The following DDHD1 variants were observed in gnomAD, a reference collection of about 807,000 sequenced individuals.
The protein encoded by DDHD1 is phospholipase DDHD1.
A neutral mutation model predicts 96.4 loss-of-function variants in DDHD1; 49 were observed. The observed-to-expected ratio is 0.51, with a 90% confidence interval of 0.40 to 0.64. DDHD1 has a LOEUF of 0.64. Ranked by LOEUF, DDHD1 falls within the 30% of genes least tolerant of loss-of-function variation. DDHD1 has a pLI of 0.00. For synonymous variants in DDHD1, 442 were observed against 446.5 expected, an observed-to-expected ratio of 0.99 and a Z score of 0.13; for missense variants, 1,106 against 1,161.2, an observed-to-expected ratio of 0.95 and a Z score of 0.69.
chr14:53,054,404 A>G, intron 11 of DDHD1, 34 bp downstream of exon 11: 1 of 1,585,912 alleles, frequency 6.3e-7, no homozygotes, highest in East Asian at 2.2e-5. Context: ...AAAAAGATAC[A>G]GTATCAACTT....
At chr14:53,090,615 A>G (rs527279927) in intron 4 of DDHD1, among the ~76,000 whole-genome samples, 1 of 152,306 alleles carries the variant, frequency 6.6e-6, no homozygotes, top group Admixed American at 6.5e-5. Context: ...TCAGCAAACT[A>G]TCGCAAGGAC....
intron 5 of DDHD1, 75 bp from the exon 6 acceptor site, chr14:53,072,778 T>C: frequency 1.1e-6 from 1 of 904,424 alleles, no homozygotes; most frequent in Non-Finnish European, 1.7e-6. Context: ...TGAAGAAAAT[T>C]ACGTTGCCTG....
chr14:53,128,452 A>G (rs986955671), intron 1 of DDHD1, among the ~76,000 whole-genome samples: 2 of 152,194 alleles, frequency 1.3e-5, no homozygotes, highest in African/African-American at 4.8e-5. Flanking sequence ...GTGCCCTCAC[A>G]TGGTGGAAGT....
intron 1 of DDHD1, among the ~76,000 whole-genome samples, chr14:53,110,401 C>T (rs774261536): frequency 1.3e-5 from 2 of 152,238 alleles, no homozygotes; most frequent in Non-Finnish European, 2.9e-5. Flanking sequence ...ACTCTCTCCT[C>T]CTTAAAACCC....
At chr14:53,103,130 G>C (rs1887434912) in intron 2 of DDHD1, 18 of 1,424,160 alleles carry the variant, frequency 1.3e-5, no homozygotes, top group Non-Finnish European at 1.6e-5. Context: ...GACACACAAT[G>C]AAAATGTGGC....
chr14:53,101,024 G>A (rs916730732), intron 2 of DDHD1, among the ~76,000 whole-genome samples: 3 of 152,094 alleles, frequency 2.0e-5, no homozygotes. Context: ...TTTCACAAAA[G>A]TGCCTACCAC....
intron 1 of DDHD1, among the ~76,000 whole-genome samples, chr14:53,126,784 G>C (rs1388053209): frequency 5.3e-5 from 8 of 152,002 alleles, no homozygotes; most frequent in African/African-American, 1.9e-4. Context: ...TTAACTATTT[G>C]TTGAATTAAT....
intron 1 of DDHD1, among the ~76,000 whole-genome samples, chr14:53,111,313 A>G (rs950227265): frequency 2.6e-5 from 4 of 152,264 alleles, no homozygotes; most frequent in African/African-American, 9.6e-5. Context: ...ATAGAAAAAC[A>G]TATTCTAAGT....
At chr14:53,069,950 C>T (rs1884371560) in intron 6 of DDHD1, among the ~76,000 whole-genome samples, 1 of 152,190 alleles carries the variant, frequency 6.6e-6, no homozygotes, top group Non-Finnish European at 1.5e-5. Context: ...CCCCATTTAT[C>T]ATAGCCATTG....
intron 1 of DDHD1, among the ~76,000 whole-genome samples, chr14:53,139,089 A>ACC (rs1566602225): frequency 1.5e-4 from 14 of 91,684 alleles, no homozygotes; most frequent in African/African-American, 4.0e-4. Context: ...AAAAAAAAAA[A>ACC]ACCACACCCA....
Position 53,045,483 on chromosome 14 carries a change from C to T in DDHD1, c.*1285G>A, listed in dbSNP as rs933471440. 6.6e-6 allele frequency: 1 copy of T among 152,214 alleles called. No individual in the cohort carries two copies. Among genetic ancestry groups the T allele is most frequent in the African/African-American group, 2.4e-5 (1 of 41,424 alleles). 9.4% of individuals were successfully genotyped at this position (152,214 alleles called of 1,614,324 possible). On this transcript the variant is annotated 3_prime_UTR_variant, in exon 13 of 13. Coordinates refer to ENST00000673822, the MANE Select transcript of DDHD1 (RefSeq NM_001160148.2). Reference sequence around the variant, plus strand: ...AAGAGATCCTCCCATCTTGGCCTCCCGAAGTGTTGGGATTACAGGCGTGAA... The same window carrying T: ...AAGAGATCCTCCCATCTTGGCCTCCTGAAGTGTTGGGATTACAGGCGTGAA...
chr14:53,133,173 T>C (rs1022851783), intron 1 of DDHD1, among the ~76,000 whole-genome samples: 2 of 152,186 alleles, frequency 1.3e-5, no homozygotes, highest in African/African-American at 2.4e-5. Flanking sequence ...TCCTCAGGGA[T>C]TGTTCAGGCC....
intron 1 of DDHD1, among the ~76,000 whole-genome samples, chr14:53,128,436 C>T (rs891641190): frequency 6.6e-6 from 1 of 152,186 alleles, no homozygotes; most frequent in African/African-American, 2.4e-5. Flanking sequence ...ATTGTGCCTT[C>T]TCACTGTGCC....
In DDHD1 at chr14:53,153,057, A is replaced by C; in HGVS notation, c.42T>G (p.His14Gln). ...CGCCGCCGCCGCCGCCTCGGCCGTT[A>C]TGCTCGGGGCTCCGTGGGGACCCGC... Reference protein sequence around the residue: ...PGRGSPRSPEHNGRGGGGGAW... With the variant: ...PGRGSPRSPEQNGRGGGGGAW... Residue 14 changes from histidine to glutamine, a missense_variant, in exon 1 of 13, where the codon CAT becomes CAG. His to Gln is a conservative substitution (Grantham distance 24). Coordinates refer to ENST00000673822, the MANE Select transcript of DDHD1 (RefSeq NM_001160148.2). 1 of 1,488,206 alleles carries C rather than the reference A, an allele frequency of 6.7e-7. No individual in the cohort carries two copies. Among genetic ancestry groups the C allele is most frequent in the Non-Finnish European group, 8.9e-7 (1 of 1,126,804 alleles). 92.2% of individuals were successfully genotyped at this position (1,488,206 alleles called of 1,614,324 possible).
At chr14:53,130,712 G>A (rs1015478736) in intron 1 of DDHD1, among the ~76,000 whole-genome samples, 1 of 152,200 alleles carries the variant, frequency 6.6e-6, no homozygotes. Flanking sequence ...AATGCCCGCA[G>A]CCCGGGATTC....
rs1430205266 is a variant in DDHD1 at position 53,040,589 on chromosome 14, C to A, written c.*6179G>T. 6.6e-6 allele frequency: 1 copy of A among 152,114 alleles called. No individual in the cohort carries two copies. The highest frequency in any genetic ancestry group is 2.4e-5 in the African/African-American group (1 of 41,422). 9.4% of individuals were successfully genotyped at this position (152,114 alleles called of 1,614,324 possible). ...TTTGAAATTATTAAATGTGCATGCA[C>A]CAGTTCCAGCTGAGAAAATCAGAAC... On this transcript the variant is annotated 3_prime_UTR_variant, in exon 13 of 13. Transcript: ENST00000673822.
At chr14:53,069,316 G>A (rs1375809498) in intron 6 of DDHD1, among the ~76,000 whole-genome samples, 3 of 152,308 alleles carry the variant, frequency 2.0e-5, no homozygotes, top group Non-Finnish European at 1.5e-5. Context: ...AATGGACAAA[G>A]TTAGGAAATA....
intron 1 of DDHD1, among the ~76,000 whole-genome samples, chr14:53,119,489 G>C (rs1888819014): frequency 6.6e-6 from 1 of 152,178 alleles, no homozygotes; most frequent in Non-Finnish European, 1.5e-5. Context: ...AAACCTGGCA[G>C]AGAGACAACA....
At chr14:53,152,157 T>A in intron 1 of DDHD1, 104 bp downstream of exon 1, 2 of 1,188,922 alleles carry the variant, frequency 1.7e-6, no homozygotes, top group Non-Finnish European at 1.1e-6. Flanking sequence ...ACGCCAGGCC[T>A]CACGCGCCTC....
Sources: allele counts gnomAD v4.1 joint callset (sites outside exome capture counted in the v4.1 genomes callset), GRCh38; gene constraint gnomAD v4.1.1; transcripts MANE v1.5; gene names NCBI Gene and HGNC (gene_info 2026-07-23, HGNC 2026-07-21).